SHISA6: variants seen among roughly 807,000 people sequenced by gnomAD.
The protein encoded by SHISA6 is shisa family member 6, also known as protein shisa-6.
A neutral mutation model predicts 47.9 loss-of-function variants in SHISA6; 22 were observed. That is an observed-to-expected ratio of 0.46 (90% CI 0.33 to 0.66). The LOEUF is 0.66. SHISA6 is among the 30% of genes least tolerant of loss of function. The pLI is 0.02. For synonymous variants in SHISA6, 388 were observed against 337.8 expected (o/e 1.15, Z -1.63); for missense variants, 680 against 764.6 (o/e 0.89, Z 1.30).
At chr17:11,308,412 C>CTT (rs113446290) in intron 2 of SHISA6, among the ~76,000 whole-genome samples, 45,155 of 151,916 alleles carry the variant, frequency 0.3, 7,378 homozygotes, top group Non-Finnish European at 0.38. Context: ...AGCAAATTAA[C>CTT]CTCCTGGAAA....
chr17:11,377,218 CT>C (rs986144508), intron 2 of SHISA6, among the ~76,000 whole-genome samples: 4 of 151,962 alleles, frequency 2.6e-5, no homozygotes, highest in African/African-American at 7.2e-5. Context: ...AGCATTTTTT[CT>C]TTTTTCCCAA....
At chr17:11,324,519 C>T (rs2142198983) in intron 2 of SHISA6, among the ~76,000 whole-genome samples, 1 of 152,180 alleles carries the variant, frequency 6.6e-6, no homozygotes, top group African/African-American at 2.4e-5. Flanking sequence ...ATAGTAGAAG[C>T]TCTTTTCCTT....
intron 2 of SHISA6, among the ~76,000 whole-genome samples, chr17:11,308,736 A>G (rs1054466879): frequency 3.9e-5 from 6 of 152,196 alleles, no homozygotes; most frequent in African/African-American, 1.4e-4. Context: ...CTGTTGGGTA[A>G]GTATCCACAG....
At chr17:11,297,910 A>T (rs887960853) in intron 2 of SHISA6, among the ~76,000 whole-genome samples, 1 of 152,122 alleles carries the variant, frequency 6.6e-6, no homozygotes, top group African/African-American at 2.4e-5. Flanking sequence ...GGGTTTGTTT[A>T]TCTGGTGGTT....
At chr17:11,385,150 TA>T (rs1913151493) in intron 3 of SHISA6, among the ~76,000 whole-genome samples, 1 of 152,118 alleles carries the variant, frequency 6.6e-6, no homozygotes, top group African/African-American at 2.4e-5. Flanking sequence ...CTGCACTTTT[TA>T]AAAGAGAGTC....
chr17:11,260,548 C>T (rs753905665), intron 1 of SHISA6, among the ~76,000 whole-genome samples: 2 of 151,962 alleles, frequency 1.3e-5, no homozygotes, highest in African/African-American at 2.4e-5. Flanking sequence ...TCTTCTGAAT[C>T]GCATTTTATC....
At chr17:11,362,485 T>A (rs73975312) in intron 2 of SHISA6, among the ~76,000 whole-genome samples, 3,344 of 152,288 alleles carry the variant, frequency 0.022, 106 homozygotes, top group African/African-American at 0.067. Context: ...TGCTTTCTGA[T>A]GCTTCTACCA....
chr17:11,528,918 C>T (rs1003122133), intron 3 of SHISA6, among the ~76,000 whole-genome samples: 9 of 152,268 alleles, frequency 5.9e-5, no homozygotes, highest in Admixed American at 3.9e-4. Context: ...AATGGCCGGG[C>T]GTGGTGATTC....
chr17:11,263,423 A>AG lies in SHISA6; in HGVS notation c.697dup (p.Glu233GlyfsTer48). 1 of 1,552,104 alleles carries AG rather than the reference A, an allele frequency of 6.4e-7. No individual in the cohort carries two copies. Among genetic ancestry groups the AG allele is most frequent in the Non-Finnish European group, 8.7e-7 (1 of 1,147,110 alleles). On this transcript the variant is annotated frameshift_variant, in exon 2 of 6. Transcript: ENST00000441885. LOFTEE classifies it high-confidence loss of function. ...CAATCCCCATAGCACACTGTGAAAG[A>AG]GAAACTATCTCGGCTATCGATACCT...
At chr17:11,554,675 C>T (rs1341253609) in intron 4 of SHISA6, among the ~76,000 whole-genome samples, 1 of 152,190 alleles carries the variant, frequency 6.6e-6, no homozygotes, top group African/African-American at 2.4e-5. Context: ...CCAACTGCCT[C>T]ACTTCTGGGA....
At chr17:11,552,801 G>C (rs188001085) in intron 4 of SHISA6, among the ~76,000 whole-genome samples, 1 of 152,324 alleles carries the variant, frequency 6.6e-6, no homozygotes, top group Admixed American at 6.5e-5. Flanking sequence ...CTATGCTCCA[G>C]GTGGAAATAA....
chr17:11,370,378 T>C (rs1326651733), intron 2 of SHISA6, among the ~76,000 whole-genome samples: 1 of 152,188 alleles, frequency 6.6e-6, no homozygotes, highest in African/African-American at 2.4e-5. Context: ...CCTTCTTTGC[T>C]CTTGGTCTCA....
chr17:11,521,486 GT>G (rs1261780011), intron 3 of SHISA6, among the ~76,000 whole-genome samples: 1 of 152,072 alleles, frequency 6.6e-6, no homozygotes, highest in Non-Finnish European at 1.5e-5. Flanking sequence ...TCAAATACTA[GT>G]GATGAAGAAA....
intron 3 of SHISA6, among the ~76,000 whole-genome samples, chr17:11,502,088 C>T (rs569991283): frequency 6.6e-6 from 1 of 152,312 alleles, no homozygotes; most frequent in African/African-American, 2.4e-5. Flanking sequence ...AGTCTAACCA[C>T]ACTGCCATAT....
At chr17:11,254,504 AG>A (rs1321434886) in intron 1 of SHISA6, among the ~76,000 whole-genome samples, 1 of 152,206 alleles carries the variant, frequency 6.6e-6, no homozygotes, top group Non-Finnish European at 1.5e-5. Flanking sequence ...TTCGACTCAT[AG>A]GATCTCTTGG....
intron 2 of SHISA6, among the ~76,000 whole-genome samples, chr17:11,331,669 G>A (rs1206504149): frequency 1.1e-3 from 161 of 152,042 alleles, no homozygotes; most frequent in Middle Eastern, 3.4e-3. Flanking sequence ...TCTCACATAC[G>A]AGCTTTCCCT....
At chr17:11,357,472 C>T (rs1013848384) in intron 2 of SHISA6, among the ~76,000 whole-genome samples, 4 of 152,098 alleles carry the variant, frequency 2.6e-5, no homozygotes, top group Non-Finnish European at 4.4e-5. Flanking sequence ...CCAAAAAATG[C>T]CTAGAGAGCA....
chr17:11,347,397 C>T (rs1264789472), intron 2 of SHISA6, among the ~76,000 whole-genome samples: 1 of 152,194 alleles, frequency 6.6e-6, no homozygotes, highest in Admixed American at 6.5e-5. Context: ...GAGAATCATT[C>T]TCTAGATTAC....
At chr17:11,260,074 A>C (rs1908169604) in intron 1 of SHISA6, among the ~76,000 whole-genome samples, 1 of 152,208 alleles carries the variant, frequency 6.6e-6, no homozygotes. Flanking sequence ...GTAAGATGAT[A>C]CTTTTGCTAT....
Sources: allele counts gnomAD v4.1 joint callset (sites outside exome capture counted in the v4.1 genomes callset), GRCh38; gene constraint gnomAD v4.1.1; transcripts MANE v1.5; gene names NCBI Gene and HGNC (gene_info 2026-07-23, HGNC 2026-07-21).